The following WAC variants were observed in gnomAD, a reference collection of about 807,000 sequenced individuals.
WAC encodes WW domain containing adaptor with coiled-coil, also known as WW domain-containing adapter protein with coiled-coil.
A neutral mutation model predicts 79.6 loss-of-function variants in WAC; 11 were observed. The observed-to-expected ratio is 0.14, with a 90% confidence interval of 0.09 to 0.23. The LOEUF is 0.23. Among genes scored for constraint, WAC ranks in the 10% least tolerant of loss-of-function variants. WAC has a pLI of 1.00. For synonymous variants in WAC, 304 were observed against 276.9 expected (o/e 1.10, Z -0.97); for missense variants, 728 against 773.5 (o/e 0.94, Z 0.70).
In WAC at chr10:28,617,700, A is replaced by G. The variant is rs1189156359; in HGVS notation, c.1790A>G (p.His597Arg). Residue 597 changes from histidine (H) to arginine (R), a missense_variant, in exon 13 of 14, where the codon CAC becomes CGC. Physicochemically the swap from His to Arg is conservative, Grantham distance 29 (BLOSUM62 0). Transcript: ENST00000354911. ...REEAHNMGTI[H>R]MSEICTELKN... ...GAAGCGCATAACATGGGAACTATTC[A>G]CATGTCCGAAATTTGTACTGAATTA... The G allele has an allele frequency of 1.9e-6, 3 of 1,598,518 alleles. No homozygotes were observed. In the East Asian group the frequency reaches 6.8e-5, roughly 36 times the overall value.
chr10:28,583,573 AC>A, intron 4 of WAC, 68 bp downstream of exon 4: 1 of 1,053,848 alleles, frequency 9.5e-7, no homozygotes, highest in Non-Finnish European at 1.4e-6. Context: ...AAAAAATACA[AC>A]CCATGGCAAG....
chr10:28,582,440 C>T (rs1839587254), intron 3 of WAC, among the ~76,000 whole-genome samples: 1 of 152,046 alleles, frequency 6.6e-6, no homozygotes, highest in Admixed American at 6.5e-5. Context: ...AATAATATTC[C>T]TAACTCATTT....
intron 4 of WAC, among the ~76,000 whole-genome samples, chr10:28,587,741 G>A (rs376511720): frequency 2.0e-5 from 3 of 152,140 alleles, no homozygotes; most frequent in African/African-American, 7.2e-5. Flanking sequence ...AAAGTTATTG[G>A]TATGTGATTG....
chr10:28,612,024 TGTA>T (rs1841264369), intron 10 of WAC, 102 bp downstream of exon 10: 5 of 1,396,476 alleles, frequency 3.6e-6, no homozygotes, highest in Admixed American at 2.2e-5. Context: ...GAGAATGAGG[TGTA>T]GTGGTGGAAT....
At chr10:28,570,081 T>C (rs1838860378) in intron 3 of WAC, among the ~76,000 whole-genome samples, 1 of 152,220 alleles carries the variant, frequency 6.6e-6, no homozygotes, top group African/African-American at 2.4e-5. Flanking sequence ...ACATGAGCAG[T>C]ATTGAAATTG....
At chr10:28,571,106 C>T (rs1052858507) in intron 3 of WAC, among the ~76,000 whole-genome samples, 9 of 151,384 alleles carry the variant, frequency 5.9e-5, no homozygotes, top group South Asian at 2.1e-4. Flanking sequence ...TACAGGCGCT[C>T]GCCACCACAC....
At position 28,621,190 on chromosome 10, in the gene WAC, T is replaced by A. The variant is rs1233896453; in HGVS notation, c.*1584T>A. 3.3e-5 allele frequency: 5 copies of A among 149,644 alleles called. No individual in the cohort carries two copies. The highest frequency in any genetic ancestry group is 7.4e-5 in the African/African-American group (3 of 40,656). The allele number at this position is 149,644 out of a possible 1,614,324, so 9.3% of individuals were successfully genotyped here. A position where few individuals can be genotyped will look rare whatever the true frequency, so the allele number is the denominator to read the frequency against. Reference sequence around the variant, plus strand: ...TCTTCTTCTTCTTCTTTTTTTTCTTTAAATTGGTTTAGGGTTTTTTGGTGA... The same window carrying A: ...TCTTCTTCTTCTTCTTTTTTTTCTTAAAATTGGTTTAGGGTTTTTTGGTGA... On this transcript the variant is annotated 3_prime_UTR_variant, in exon 14 of 14. Transcript: ENST00000354911.
At chr10:28,563,910 A>AT (rs1170542718) in intron 3 of WAC, among the ~76,000 whole-genome samples, 1 of 151,792 alleles carries the variant, frequency 6.6e-6, no homozygotes, top group Non-Finnish European at 1.5e-5. Flanking sequence ...AGTATACAGT[A>AT]TTTTTAACAA....
At chr10:28,534,895 C>T (rs188912293) in intron 2 of WAC, among the ~76,000 whole-genome samples, 4 of 152,308 alleles carry the variant, frequency 2.6e-5, no homozygotes, top group Admixed American at 2.6e-4. Flanking sequence ...GCTGATTACA[C>T]ATTGCAACAG....
At chr10:28,619,516 A>G (rs1237441311) in intron 13 of WAC, 21 bp from the exon 14 acceptor site, 2 of 1,556,794 alleles carry the variant, frequency 1.3e-6, no homozygotes, top group East Asian at 2.3e-5. Flanking sequence ...ACAGGTTCTA[A>G]TGTCTGCTTT....
chr10:28,603,631 A>G (rs981964664), intron 7 of WAC, among the ~76,000 whole-genome samples: 2 of 152,056 alleles, frequency 1.3e-5, no homozygotes, highest in African/African-American at 4.8e-5. Flanking sequence ...GAAGTTGTTA[A>G]TTAAAATTAT....
chr10:28,590,895 C>G, intron 6 of WAC, 63 bp downstream of exon 6: 2 of 1,249,192 alleles, frequency 1.6e-6, no homozygotes, highest in Non-Finnish European at 2.3e-6. Flanking sequence ...TTTTTCAAAT[C>G]TGTATCCATT....
intron 1 of WAC, 153 bp from the exon 2 acceptor site, chr10:28,533,845 G>C (rs557116188): frequency 9.4e-7 from 1 of 1,066,020 alleles, no homozygotes; most frequent in Non-Finnish European, 1.3e-6. Flanking sequence ...CCTTCCGGAG[G>C]CTCCGGGTTT....
intron 9 of WAC, 72 bp downstream of exon 9, chr10:28,610,893 G>C: frequency 1.4e-6 from 2 of 1,409,176 alleles, no homozygotes; most frequent in Non-Finnish European, 1.9e-6. Flanking sequence ...GCCCTTTTTT[G>C]TATTTAGTTT....
intron 3 of WAC, among the ~76,000 whole-genome samples, chr10:28,539,566 T>C (rs1836887375): frequency 2.2e-5 from 1 of 46,044 alleles, no homozygotes; most frequent in African/African-American, 9.7e-5. Flanking sequence ...TAGGGTTTGT[T>C]TTTTGGTTTT....
chr10:28,615,033 T>G (rs1841414379), intron 11 of WAC: 1 of 179,568 alleles, frequency 5.6e-6, no homozygotes, highest in Non-Finnish European at 1.2e-5. Context: ...CAGTTTTGGT[T>G]TGAGTATATT....
intron 3 of WAC, among the ~76,000 whole-genome samples, chr10:28,582,909 A>T (rs1456754804): frequency 7.2e-5 from 11 of 152,302 alleles, no homozygotes; most frequent in Non-Finnish European, 2.9e-5. Flanking sequence ...TCTTGAAAAA[A>T]GTTGATGCTG....
At chr10:28,534,587 T>C (rs1836512569) in intron 2 of WAC, among the ~76,000 whole-genome samples, 1 of 152,250 alleles carries the variant, frequency 6.6e-6, no homozygotes, top group African/African-American at 2.4e-5. Context: ...ACTTGGATAA[T>C]CATTCTGATG....
At chr10:28,556,614 T>C (rs1382591902) in intron 3 of WAC, among the ~76,000 whole-genome samples, 1 of 152,016 alleles carries the variant, frequency 6.6e-6, no homozygotes, top group South Asian at 2.1e-4. Flanking sequence ...TGGTGTAGTA[T>C]TCAAAAAATT....
Sources: gnomAD v4.1 joint callset for allele counts (sites outside exome capture counted in the v4.1 genomes callset) on GRCh38, gnomAD v4.1.1 for gene constraint, MANE v1.5 for transcripts, NCBI Gene and HGNC (gene_info 2026-07-23, HGNC 2026-07-21) for gene names.